ADAMTSL5: variants seen among roughly 807,000 people sequenced by gnomAD.
ADAMTSL5 encodes the protein ADAMTS-like protein 5.
In ADAMTSL5, 53 loss-of-function variants were observed where a neutral mutation model predicts 51.7. That is an observed-to-expected ratio of 1.03 (90% CI 0.82 to 1.29). The LOEUF is 1.29. Ranked by LOEUF, ADAMTSL5 falls within the 50% of genes most tolerant of loss-of-function variation. The pLI is 0.00. For missense variants in ADAMTSL5, 770 were observed against 676.2 expected (o/e 1.14, Z -1.54); for synonymous variants, 285 against 278.7 (o/e 1.02, Z -0.23).
intron 8 of ADAMTSL5, 47 bp downstream of exon 8, chr19:1,507,505 AACCGC>A: frequency 1.2e-6 from 2 of 1,612,390 alleles, no homozygotes; most frequent in Non-Finnish European, 1.7e-6. Flanking sequence ...AAACAGGGAC[AACCGC>A]CCCCGGGTGC....
chr19:1,507,971 T>TGCAGGGAGGGCGGG, intron 7 of ADAMTSL5, 27 bp downstream of exon 7: 1 of 1,563,758 alleles, frequency 6.4e-7, no homozygotes, highest in Non-Finnish European at 8.7e-7. Context: ...CTGACGTGTG[T>TGCAGGGAGGGCGGG]GCAGGGAGGG....
At chr19:1,507,478 T>G in intron 8 of ADAMTSL5, 73 bp from the exon 9 acceptor site, 1 of 1,610,426 alleles carries the variant, frequency 6.2e-7, no homozygotes, top group South Asian at 1.1e-5. Flanking sequence ...TCCTCAGGCC[T>G]CAGTCTCCCC....
chr19:1,507,968 G>A, intron 7 of ADAMTSL5, 30 bp downstream of exon 7: 4 of 1,561,402 alleles, frequency 2.6e-6, no homozygotes, highest in East Asian at 2.4e-5. Context: ...ACTCTGACGT[G>A]TGTGCAGGGA....
Position 1,505,451 on chromosome 19 carries a change from G to A in ADAMTSL5, c.*564C>T, listed in dbSNP as rs150644769. ...TGCTGAGGCTGAAAAGATTGTCTCC[G>A]AGTTTCCTGGTAGCCAGGGGAAAAG... On this transcript the variant is annotated 3_prime_UTR_variant, in exon 12 of 12. Transcript: ENST00000330475. 234 of 152,278 alleles carry A rather than the reference G, an allele frequency of 1.5e-3. No individual in the cohort carries two copies. Among genetic ancestry groups the A allele is most frequent in the South Asian group, 6.2e-3 (30 of 4,822 alleles). The allele number at this position is 152,278 out of a possible 1,614,324, so 9.4% of individuals were successfully genotyped here.
Position 1,507,626 on chromosome 19 carries a change from A to G in ADAMTSL5, c.619T>C (p.Trp207Arg), listed in dbSNP as rs948219243. Residue 207 changes from tryptophan to arginine, a missense_variant, in exon 8 of 12, where the codon TGG becomes CGG. Physicochemically the swap from Trp to Arg is moderately radical, Grantham distance 101 (BLOSUM62 -3). Coordinates refer to ENST00000330475, the MANE Select transcript of ADAMTSL5 (RefSeq NM_213604.3). ...FRDAGAFAGY[W>R]NVTLIPEGAR... ...CCCTCGGGGATCAGGGTCACGTTCC[A>G]GTACCCAGCGAAGGCACCTGGGTGG... 11 of 1,613,444 alleles carry G rather than the reference A, an allele frequency of 6.8e-6. No individual in the cohort carries two copies. In the African/African-American group the frequency reaches 9.3e-5, roughly 14 times the overall value.
In ADAMTSL5 at chr19:1,507,649, T is replaced by G; in HGVS notation, c.602-6A>C. On this transcript the variant is annotated splice_region_variant and splice_polypyrimidine_tract_variant and intron_variant, in intron 7 of 11. Coordinates refer to ENST00000330475, the MANE Select transcript of ADAMTSL5 (RefSeq NM_213604.3). ...CCAGTACCCAGCGAAGGCACCTGGG[T>G]GGGAGGGTAGGAGGGTGTTGGGGTG... The G allele has an allele frequency of 6.2e-7, 1 of 1,612,648 alleles. No individual in the cohort carries two copies. The highest frequency in any genetic ancestry group is 1.1e-5 in the South Asian group (1 of 91,014).
chr19:1,510,833 GC>G lies in ADAMTSL5; in HGVS notation c.99+11del. 5.9e-6 allele frequency: 9 copies of G among 1,531,556 alleles called. No individual in the cohort carries two copies. The highest frequency in any genetic ancestry group is 1.3e-5 in the South Asian group (1 of 78,330). 94.9% of individuals were successfully genotyped at this position (1,531,556 alleles called of 1,614,324 possible). The stretch of plus-strand genomic sequence containing the variant: ...CCCACTCGCCACCCCCTGGGCTCAT[GC>G]CCCCCCTTACCTGAGCACTGACCCC... On this transcript the variant is annotated intron_variant, in intron 2 of 11. Transcript: ENST00000330475.
chr19:1,509,279 A>C (rs1599287798), intron 5 of ADAMTSL5, among the ~76,000 whole-genome samples: 1 of 150,450 alleles, frequency 6.6e-6, no homozygotes, highest in East Asian at 1.9e-4. Flanking sequence ...AAAAAAAAAA[A>C]GAAGATCTGA....
intron 6 of ADAMTSL5, 127 bp downstream of exon 6, chr19:1,508,316 G>C (rs185247092): frequency 5.4e-6 from 7 of 1,299,354 alleles, no homozygotes; most frequent in South Asian, 4.7e-5. Flanking sequence ...TGGAAGGGGA[G>C]GGGGAAGGCG....
At chr19:1,512,713 AG>A (rs1173973195) in intron 1 of ADAMTSL5, among the ~76,000 whole-genome samples, 4 of 151,838 alleles carry the variant, frequency 2.6e-5, no homozygotes, top group Non-Finnish European at 5.9e-5. Flanking sequence ...AAACAGGGGG[AG>A]GGGGCTTGAC....
At position 1,507,875 on chromosome 19, in the gene ADAMTSL5, G is replaced by A. The variant is rs892713300; in HGVS notation, c.601+123C>T. The A allele has an allele frequency of 2.6e-5, 30 of 1,157,734 alleles. No homozygotes were observed. In the African/African-American group the frequency reaches 2.9e-4, roughly 11 times the overall value. The allele number at this position is 1,157,734 out of a possible 1,614,324, so 71.7% of individuals were successfully genotyped here. ...GGACAATCTGTCAGTAGCCAATCAG[G>A]ATGAGGAGAAAGGGGGGCTGGGCCG... On this transcript the variant is annotated intron_variant, in intron 7 of 11. Transcript: ENST00000330475.
chr19:1,511,174 T>TGTTG lies in ADAMTSL5; in HGVS notation c.-217-18_-217-15dup, dbSNP rs1008241918. ...TCAGAATGTCATCTGCAATTATTAT[T>TGTTG]GTTGTTAGTTAGTTTGTTTTTGAGA... is the stretch of plus-strand genomic sequence containing the variant. On this transcript the variant is annotated splice_polypyrimidine_tract_variant and intron_variant, in intron 1 of 11. Transcript: ENST00000330475. 23 of 300,636 alleles carry TGTTG rather than the reference T, an allele frequency of 7.7e-5. No homozygotes were observed. The highest frequency in any genetic ancestry group is 1.2e-4 in the Non-Finnish European group (22 of 182,644). The allele number at this position is 300,636 out of a possible 1,614,324, so 18.6% of individuals were successfully genotyped here. A position where few individuals can be genotyped will look rare whatever the true frequency, so the allele number is the denominator to read the frequency against.
chr19:1,506,551 T>G lies in ADAMTSL5; in HGVS notation c.1114+39A>C, dbSNP rs1340723531. 6.3e-7 allele frequency: 1 copy of G among 1,596,516 alleles called. No homozygotes were observed. The highest frequency in any genetic ancestry group is 8.5e-7 in the Non-Finnish European group (1 of 1,171,034). On this transcript the variant is annotated intron_variant, in intron 11 of 11. Coordinates refer to ENST00000330475, the MANE Select transcript of ADAMTSL5 (RefSeq NM_213604.3). The surrounding 1 kb of genome is among the most constrained non-coding windows in gnomAD (Gnocchi z 5.6). ...GTCAGAGGTCAGGAGGAGGCCAGGTTAGTAGGGGCTAAGTCAGGGTAGAGG... is the reference window on the plus strand; with the variant it reads ...GTCAGAGGTCAGGAGGAGGCCAGGTGAGTAGGGGCTAAGTCAGGGTAGAGG...
rs781725109 is a variant in ADAMTSL5 at position 1,508,448 on chromosome 19, A to G, written c.484T>C (p.Cys162Arg). ...GAQGVCVAGR[C>R]LSAGCDGLLG... ...GGGGCCTGACGAGTCCTTACAAGGC[A>G]GCGGCCAGCCACGCAGACCCCCTGG... Residue 162 changes from cysteine to arginine, a missense_variant, in exon 6 of 12, where the codon TGC becomes CGC. By Grantham distance (180) the Cys-to-Arg change is radical (BLOSUM62 -3). Coordinates refer to ENST00000330475, the MANE Select transcript of ADAMTSL5 (RefSeq NM_213604.3). 1.3e-6 allele frequency: 2 copies of G among 1,555,514 alleles called. No homozygotes were observed. Among genetic ancestry groups the G allele is most frequent in the Admixed American group, 3.7e-5 (2 of 54,196 alleles).
intron 1 of ADAMTSL5, among the ~76,000 whole-genome samples, 181 bp downstream of exon 1, chr19:1,512,782 T>C (rs546870682): frequency 2.6e-4 from 40 of 151,718 alleles, no homozygotes; most frequent in Admixed American, 2.4e-3. Context: ...GTCTAGGTGG[T>C]GAAAAGTGGG....
chr19:1,508,157 G>C (rs1175846286), intron 6 of ADAMTSL5, 48 bp from the exon 7 acceptor site: 2 of 1,523,018 alleles, frequency 1.3e-6, no homozygotes, highest in Non-Finnish European at 1.8e-6. Context: ...GGGAGGGGCA[G>C]GACCTGGGGA....
rs1162934268 is a variant in ADAMTSL5 at position 1,505,442 on chromosome 19, A to T, written c.*573T>A. The T allele has an allele frequency of 6.6e-6, 1 of 151,638 alleles. No homozygotes were observed. The highest frequency in any genetic ancestry group is 1.9e-4 in the East Asian group (1 of 5,168). The allele number at this position is 151,638 out of a possible 1,614,324, so 9.4% of individuals were successfully genotyped here. A position where few individuals can be genotyped will look rare whatever the true frequency, so the allele number is the denominator to read the frequency against. ...AGCCAGAAATGCTGAGGCTGAAAAG[A>T]TTGTCTCCGAGTTTCCTGGTAGCCA... On this transcript the variant is annotated 3_prime_UTR_variant, in exon 12 of 12. Coordinates refer to ENST00000330475, the MANE Select transcript of ADAMTSL5 (RefSeq NM_213604.3).
In ADAMTSL5 at chr19:1,506,809, G is replaced by A; in HGVS notation, c.972C>T (p.Pro324=). The A allele has an allele frequency of 1.3e-6, 2 of 1,541,712 alleles. No homozygotes were observed. Among genetic ancestry groups the A allele is most frequent in the Non-Finnish European group, 1.7e-6 (2 of 1,144,294 alleles). The change falls in exon 10 of 12, where the codon CCC becomes CCT. Residue 324 remains proline, a synonymous_variant. Transcript: ENST00000330475. This position sits in a 1 kb window ranked among gnomAD's most constrained non-coding sequence, Gnocchi z 5.6. ...ALGWPLRQPQ[P]RGVEPQPPAA... is the part of the protein sequence containing the mutation. ...CGGGGGGCTGAGGCTCCACCCCCCGGGGCTGAGGCTGCCTCAGGGGCCAGC... is the reference window on the plus strand; with the variant it reads ...CGGGGGGCTGAGGCTCCACCCCCCGAGGCTGAGGCTGCCTCAGGGGCCAGC...
At position 1,506,989 on chromosome 19, in the gene ADAMTSL5, G is replaced by T; in HGVS notation, c.853-61C>A. The T allele has an allele frequency of 6.8e-7, 1 of 1,469,428 alleles. No homozygotes were observed. The highest frequency in any genetic ancestry group is 1.3e-5 in the South Asian group (1 of 78,896). 91.0% of individuals were successfully genotyped at this position (1,469,428 alleles called of 1,614,324 possible). A position where few individuals can be genotyped will look rare whatever the true frequency, so the allele number is the denominator to read the frequency against. ...GAGGCTGGGGTTGCCTCCTGCCTCT[G>T]ACCCTACGACCCCAGCCTCCCCACT... On this transcript the variant is annotated intron_variant, in intron 9 of 11. Transcript: ENST00000330475. The surrounding 1 kb of genome is among the most constrained non-coding windows in gnomAD (Gnocchi z 5.6).
Sources: gnomAD v4.1 joint callset for allele counts (sites outside exome capture counted in the v4.1 genomes callset) on GRCh38, gnomAD v4.1.1 for gene constraint, Gnocchi (gnomAD v3.1) non-coding constraint, MANE v1.5 for transcripts, NCBI Gene and HGNC (gene_info 2026-07-23, HGNC 2026-07-21) for gene names.